RBMS3: variants seen among roughly 807,000 people sequenced by gnomAD.
The protein encoded by RBMS3 is RNA-binding motif, single-stranded-interacting protein 3.
Under a neutral mutation model 66.8 loss-of-function variants are expected in RBMS3, and 27 were observed. The observed-to-expected ratio is 0.40, with a 90% CI of 0.30 to 0.56. RBMS3 has a LOEUF of 0.56. Among genes scored for constraint, RBMS3 ranks in the 20% least tolerant of loss-of-function variants. The pLI is 0.40. For synonymous variants in RBMS3, 188 were observed against 183.0 expected, an observed-to-expected ratio of 1.03 and a Z score of -0.22; for missense variants, 513 against 549.5, an observed-to-expected ratio of 0.93 and a Z score of 0.66.
intron 1 of RBMS3, among the ~76,000 whole-genome samples, chr3:29,283,924 G>A (rs1248408081): frequency 3.3e-5 from 5 of 152,082 alleles, no homozygotes; most frequent in African/African-American, 7.2e-5. Flanking sequence ...AAGAGTCAAT[G>A]TGCAATCATA....
chr3:29,678,965 A>G (rs1316543979), intron 4 of RBMS3, among the ~76,000 whole-genome samples: 1 of 152,168 alleles, frequency 6.6e-6, no homozygotes, highest in Admixed American at 6.5e-5. Flanking sequence ...GGTATCTTAC[A>G]TTATTTCCCA....
chr3:29,724,206 A>C (rs1358881324), intron 4 of RBMS3, among the ~76,000 whole-genome samples: 1 of 152,154 alleles, frequency 6.6e-6, no homozygotes, highest in Non-Finnish European at 1.5e-5. Flanking sequence ...TTAATATAAC[A>C]TCTAGTAAGT....
At chr3:29,867,706 T>A (rs2059395180) in intron 6 of RBMS3, among the ~76,000 whole-genome samples, 1 of 151,224 alleles carries the variant, frequency 6.6e-6, no homozygotes, top group African/African-American at 2.4e-5. Flanking sequence ...TCACATGGGG[T>A]CAGACCTAGA....
At chr3:29,753,441 C>A (rs1045859801) in intron 5 of RBMS3, among the ~76,000 whole-genome samples, 2 of 152,150 alleles carry the variant, frequency 1.3e-5, no homozygotes, top group East Asian at 1.9e-4. Context: ...GAGTTTTATG[C>A]CTTGAGGGGA....
intron 3 of RBMS3, among the ~76,000 whole-genome samples, chr3:29,564,532 T>C (rs1027817343): frequency 3.3e-5 from 5 of 151,616 alleles, no homozygotes; most frequent in Admixed American, 6.6e-5. Flanking sequence ...GGTTACCTTA[T>C]GTACAAATTG....
chr3:29,301,454 C>T (rs1321903339), intron 1 of RBMS3, among the ~76,000 whole-genome samples: 2 of 151,890 alleles, frequency 1.3e-5, no homozygotes, highest in Admixed American at 1.3e-4. Flanking sequence ...GAAATTTAAC[C>T]CCTCTTAACG....
In RBMS3 at chr3:29,526,520, C is replaced by CAAAAAAAAAAAAAA. The variant is rs61483868; in HGVS notation, c.307+38055_307+38068dup. 1.7e-4 allele frequency among the ~76,000 whole-genome samples: 6 copies of CAAAAAAAAAAAAAA among 35,936 alleles called. 2 individuals carry two copies. The highest frequency in any genetic ancestry group is 9.6e-4 in the Admixed American group (2 of 2,076). The allele number at this position is 35,936 out of a possible 152,430, so 23.6% of individuals were successfully genotyped here. A position where few individuals can be genotyped will look rare whatever the true frequency, so the allele number is the denominator to read the frequency against. On this transcript the variant is annotated intron_variant, in intron 3 of 14. Transcript: ENST00000383767. The stretch of plus-strand genomic sequence containing the variant: ...TGGACGACAGAGCGAGACTCCATCT[C>CAAAAAAAAAAAAAA]AAAAAAAAAAAAAAAAAAAAAAAAA...
intron 4 of RBMS3, among the ~76,000 whole-genome samples, chr3:29,620,847 T>C (rs2048842358): frequency 6.6e-6 from 1 of 152,138 alleles, no homozygotes; most frequent in South Asian, 2.1e-4. Context: ...GTTATCTTTT[T>C]AGGGAATTGA....
At chr3:29,385,957 T>C (rs1243501021) in intron 1 of RBMS3, among the ~76,000 whole-genome samples, 1 of 152,210 alleles carries the variant, frequency 6.6e-6, no homozygotes, top group Non-Finnish European at 1.5e-5. Context: ...TTTCCTCATG[T>C]CCCAGCATCT....
intron 4 of RBMS3, among the ~76,000 whole-genome samples, chr3:29,739,382 G>A (rs2054528023): frequency 6.6e-6 from 1 of 151,494 alleles, no homozygotes; most frequent in South Asian, 2.1e-4. Context: ...CGTGAACCCG[G>A]GAAGCAGAGC....
chr3:29,392,203 T>C (rs2039331744), intron 1 of RBMS3, among the ~76,000 whole-genome samples: 3 of 152,150 alleles, frequency 2.0e-5, no homozygotes, highest in Admixed American at 1.3e-4. Context: ...TGAGCCGAGA[T>C]TGTGCCACTG....
intron 1 of RBMS3, among the ~76,000 whole-genome samples, chr3:29,320,485 A>G (rs1327271074): frequency 6.6e-6 from 1 of 152,080 alleles, no homozygotes; most frequent in African/African-American, 2.4e-5. Flanking sequence ...TGGCATATTA[A>G]TGGAGAAATT....
At chr3:29,597,810 A>G (rs2048005662) in intron 4 of RBMS3, among the ~76,000 whole-genome samples, 1 of 152,102 alleles carries the variant, frequency 6.6e-6, no homozygotes, top group Non-Finnish European at 1.5e-5. Flanking sequence ...AAAGTTTTAA[A>G]TGACGCAATA....
Position 29,621,601 on chromosome 3 carries a change from G to A in RBMS3, c.399+34396G>A, listed in dbSNP as rs2048866375. ...TAGTTTTACTTCCATTAGTTGGAAA[G>A]GACAACCTATAACTTATCAGAAGTC... On this transcript the variant is annotated intron_variant, in intron 4 of 14. Transcript: ENST00000383767. Among the ~76,000 whole-genome samples, 3 of 152,240 alleles carry A rather than the reference G, an allele frequency of 2.0e-5. No homozygotes were observed. The South Asian group carries it at 6.2e-4, about 32-fold the overall frequency.
chr3:29,343,533 C>T (rs1171364906), intron 1 of RBMS3, among the ~76,000 whole-genome samples: 1 of 151,470 alleles, frequency 6.6e-6, no homozygotes, highest in African/African-American at 2.4e-5. Flanking sequence ...AATATTTTAC[C>T]CTTATTTATG....
At chr3:29,742,603 G>C (rs1387573634) in intron 5 of RBMS3, among the ~76,000 whole-genome samples, 1 of 152,150 alleles carries the variant, frequency 6.6e-6, no homozygotes, top group Admixed American at 6.5e-5. Context: ...ACAAAGTTAG[G>C]TGCTCTTGTT....
At chr3:29,780,167 T>G (rs1338489312) in intron 6 of RBMS3, among the ~76,000 whole-genome samples, 2 of 152,016 alleles carry the variant, frequency 1.3e-5, no homozygotes. Context: ...GACTTTAAAT[T>G]GATGAGAACT....
intron 5 of RBMS3, among the ~76,000 whole-genome samples, chr3:29,761,329 G>A (rs2055677534): frequency 6.6e-6 from 1 of 152,068 alleles, no homozygotes; most frequent in East Asian, 1.9e-4. Flanking sequence ...CTCAAAACTG[G>A]AACTCGTTCC....
At chr3:29,392,065 C>T (rs1219137372) in intron 1 of RBMS3, among the ~76,000 whole-genome samples, 1 of 151,956 alleles carries the variant, frequency 6.6e-6, no homozygotes, top group Non-Finnish European at 1.5e-5. Context: ...ACTTGGGCAA[C>T]ATGGTGAAAC....
Sources: allele counts gnomAD v4.1 joint callset (sites outside exome capture counted in the v4.1 genomes callset), GRCh38; gene constraint gnomAD v4.1.1; transcripts MANE v1.5; gene names NCBI Gene and HGNC (gene_info 2026-07-23, HGNC 2026-07-21).